The following ZFHX3 variants were observed in gnomAD, a reference collection of about 807,000 sequenced individuals.
The protein encoded by ZFHX3 is zinc finger homeobox protein 3.
A neutral mutation model predicts 279.1 loss-of-function variants in ZFHX3; 42 were observed. The observed-to-expected ratio is 0.15, with a 90% CI of 0.12 to 0.19. The LOEUF is 0.19. Among genes scored for constraint, ZFHX3 ranks in the 10% least tolerant of loss-of-function variants. The pLI is 1.00. For synonymous variants in ZFHX3, 2,293 were observed against 1,957.8 expected (o/e 1.17, Z -4.52); for missense variants, 4,981 against 4,754.0 (o/e 1.05, Z -1.40).
intron 2 of ZFHX3, among the ~76,000 whole-genome samples, chr16:73,563,378 T>TC (rs2020404321): frequency 6.6e-6 from 1 of 151,846 alleles, no homozygotes; most frequent in South Asian, 2.1e-4. Context: ...TGCCTCAGCC[T>TC]CCAAAGTAGC....
chr16:72,862,703 C>G (rs1406001671), intron 4 of ZFHX3, among the ~76,000 whole-genome samples: 1 of 152,110 alleles, frequency 6.6e-6, no homozygotes, highest in Non-Finnish European at 1.5e-5. Context: ...TATCAGTTCA[C>G]AGAAAACACA....
chr16:73,727,345 C>T (rs944141507), intron 1 of ZFHX3, among the ~76,000 whole-genome samples: 1 of 152,236 alleles, frequency 6.6e-6, no homozygotes, highest in Non-Finnish European at 1.5e-5. Context: ...CATGCAGACA[C>T]AACTGGGGTA....
intron 2 of ZFHX3, among the ~76,000 whole-genome samples, chr16:73,495,510 C>G (rs1269241029): frequency 1.3e-5 from 2 of 152,206 alleles, no homozygotes; most frequent in Non-Finnish European, 2.9e-5. Context: ...CAGGAAATAG[C>G]AAAATTCCAG....
intron 3 of ZFHX3, among the ~76,000 whole-genome samples, chr16:73,363,132 C>A (rs960135387): frequency 6.6e-6 from 1 of 152,150 alleles, no homozygotes; most frequent in East Asian, 1.9e-4. Flanking sequence ...ATTGAGGCAC[C>A]AGGCTGATGG....
intron 4 of ZFHX3, among the ~76,000 whole-genome samples, chr16:73,260,874 G>C (rs1041630721): frequency 5.3e-5 from 8 of 151,826 alleles, no homozygotes; most frequent in Non-Finnish European, 1.2e-4. Context: ...GTAGAGACGG[G>C]GGTTTCACCA....
intron 3 of ZFHX3, among the ~76,000 whole-genome samples, chr16:73,346,954 T>C (rs1264540834): frequency 6.6e-6 from 1 of 152,176 alleles, no homozygotes; most frequent in Non-Finnish European, 1.5e-5. Flanking sequence ...CAATTAATCT[T>C]CATGTTCACT....
chr16:73,759,698 T>C (rs1464527830), intron 1 of ZFHX3, among the ~76,000 whole-genome samples: 1 of 152,176 alleles, frequency 6.6e-6, no homozygotes, highest in African/African-American at 2.4e-5. Flanking sequence ...TCCTTGATTC[T>C]CATAAACCCT....
intron 3 of ZFHX3, among the ~76,000 whole-genome samples, chr16:73,428,092 T>C (rs1469560748): frequency 6.6e-6 from 1 of 152,190 alleles, no homozygotes; most frequent in Non-Finnish European, 1.5e-5. Flanking sequence ...CGGGTCCCTT[T>C]GCCAGGAATG....
intron 2 of ZFHX3, among the ~76,000 whole-genome samples, chr16:73,559,383 T>C (rs975754317): frequency 4.6e-5 from 7 of 152,094 alleles, no homozygotes; most frequent in Admixed American, 2.0e-4. Flanking sequence ...AAGGGTTCCA[T>C]TGGCAGCTCA....
intron 5 of ZFHX3, among the ~76,000 whole-genome samples, chr16:73,155,849 T>A (rs1279768595): frequency 6.6e-6 from 1 of 151,524 alleles, no homozygotes; most frequent in Non-Finnish European, 1.5e-5. Flanking sequence ...ACAAACTACA[T>A]GTATATATGT....
At chr16:73,454,602 G>T (rs573784581) in intron 3 of ZFHX3, among the ~76,000 whole-genome samples, 2 of 146,624 alleles carry the variant, frequency 1.4e-5, no homozygotes, top group African/African-American at 5.0e-5. Context: ...CATTTACACA[G>T]ATCTCAATTT....
At chr16:73,490,889 C>T (rs937074350) in intron 2 of ZFHX3, among the ~76,000 whole-genome samples, 1 of 152,198 alleles carries the variant, frequency 6.6e-6, no homozygotes, top group East Asian at 1.9e-4. Context: ...TAAGAAACTG[C>T]AGAGGTGAGA....
intron 5 of ZFHX3, among the ~76,000 whole-genome samples, chr16:73,221,088 A>C (rs2012403732): frequency 6.6e-6 from 1 of 152,180 alleles, no homozygotes; most frequent in South Asian, 2.1e-4. Context: ...ACTCTTGGGA[A>C]GCATAGCATA....
At chr16:73,074,470 C>T (rs935799189) in intron 8 of ZFHX3, among the ~76,000 whole-genome samples, 1 of 152,294 alleles carries the variant, frequency 6.6e-6, no homozygotes, top group African/African-American at 2.4e-5. Context: ...CGCTTGCTTC[C>T]CCAAGGATAG....
intron 1 of ZFHX3, among the ~76,000 whole-genome samples, chr16:73,883,920 G>A (rs2030261451): frequency 6.6e-6 from 1 of 152,026 alleles, no homozygotes; most frequent in Admixed American, 6.6e-5. Flanking sequence ...ATCAGAAGGA[G>A]AAGTTACTTT....
intron 2 of ZFHX3, among the ~76,000 whole-genome samples, chr16:73,660,511 T>C (rs2052770239): frequency 6.6e-6 from 1 of 152,232 alleles, no homozygotes; most frequent in African/African-American, 2.4e-5. Context: ...TTAAGAATCA[T>C]GTTAATCTGC....
intron 5 of ZFHX3, among the ~76,000 whole-genome samples, chr16:73,192,893 C>T (rs1968073648): frequency 6.6e-6 from 1 of 152,180 alleles, no homozygotes; most frequent in African/African-American, 2.4e-5. Flanking sequence ...TGGTGGGGAG[C>T]TGGACACAAG....
At chr16:73,668,618 C>G (rs903074384) in intron 2 of ZFHX3, among the ~76,000 whole-genome samples, 6 of 150,684 alleles carry the variant, frequency 4.0e-5, no homozygotes, top group African/African-American at 1.5e-4. Flanking sequence ...ATCCATGTCC[C>G]TCCAAAGGAC....
At chr16:73,600,586 G>GT (rs1567530055) in intron 2 of ZFHX3, among the ~76,000 whole-genome samples, 2 of 151,470 alleles carry the variant, frequency 1.3e-5, no homozygotes, top group East Asian at 1.9e-4. Flanking sequence ...CCCGGCCAAT[G>GT]TTTTTTTGTA....
Sources: gnomAD v4.1 joint callset for allele counts (sites outside exome capture counted in the v4.1 genomes callset) on GRCh38, gnomAD v4.1.1 for gene constraint, MANE v1.5 for transcripts, NCBI Gene and HGNC (gene_info 2026-07-23, HGNC 2026-07-21) for gene names.